Variants in GALNT17 observed in about 807,000 individuals in gnomAD.
GALNT17 encodes the protein polypeptide N-acetylgalactosaminyltransferase 17.
Under a neutral mutation model 63.7 loss-of-function variants are expected in GALNT17, and 29 were observed. That is an observed-to-expected ratio of 0.46 (90% CI 0.34 to 0.62). The LOEUF (loss-of-function observed/expected upper bound fraction) is 0.62. GALNT17 is among the 20% of genes least tolerant of loss of function. The pLI, the probability that GALNT17 is intolerant of heterozygous loss-of-function variation, is 0.01. For synonymous variants in GALNT17, 305 were observed against 318.3 expected (o/e 0.96, Z 0.45); for missense variants, 603 against 799.6 (o/e 0.75, Z 2.97).
At chr7:71,162,375 C>T (rs1788364931) in intron 1 of GALNT17, among the ~76,000 whole-genome samples, 1 of 151,996 alleles carries the variant, frequency 6.6e-6, no homozygotes, top group Non-Finnish European at 1.5e-5. Context: ...ATGCTATGGG[C>T]ATTTGATATT....
intron 2 of GALNT17, among the ~76,000 whole-genome samples, chr7:71,343,888 C>A (rs781072525): frequency 9.3e-5 from 14 of 151,334 alleles, no homozygotes; most frequent in Non-Finnish European, 2.1e-4. Flanking sequence ...GGCTTATTTT[C>A]TCTGTGGTGT....
intron 5 of GALNT17, among the ~76,000 whole-genome samples, chr7:71,551,626 G>A (rs1004505476): frequency 8.5e-5 from 13 of 152,068 alleles, no homozygotes; most frequent in Non-Finnish European, 1.9e-4. Context: ...AAATTAGCCA[G>A]GTGCATGGCA....
chr7:71,483,805 T>A (rs539185383), intron 5 of GALNT17, among the ~76,000 whole-genome samples: 11 of 152,336 alleles, frequency 7.2e-5, no homozygotes, highest in Non-Finnish European at 1.0e-4. Flanking sequence ...TTAAAACACA[T>A]TGTACAGCTG....
rs544367771 is a variant in GALNT17, at chr7:71,407,488, G to T, written c.590-8401G>T. ...ACGGTCCAGGCATGGTGGCTCATTC[G>T]TGTAATCCCAGCACTTTGGGAGGCT... On this transcript the variant is annotated intron_variant, in intron 3 of 10. Transcript: ENST00000333538. Among the ~76,000 whole-genome samples the T allele has an allele frequency of 2.6e-5, 4 of 152,108 alleles. No individual in the cohort carries two copies. The East Asian group carries it at 7.7e-4, about 29-fold the overall frequency.
At chr7:71,207,656 G>A (rs1789298477) in intron 1 of GALNT17, among the ~76,000 whole-genome samples, 1 of 152,062 alleles carries the variant, frequency 6.6e-6, no homozygotes, top group Non-Finnish European at 1.5e-5. Context: ...TTCCACCATG[G>A]GTAAGTGTCA....
intron 7 of GALNT17, among the ~76,000 whole-genome samples, chr7:71,667,947 G>A (rs917917930): frequency 6.6e-6 from 1 of 152,058 alleles, no homozygotes; most frequent in Non-Finnish European, 1.5e-5. Context: ...CCACAGGCTT[G>A]CGCCCTCTAC....
intron 6 of GALNT17, among the ~76,000 whole-genome samples, chr7:71,636,067 A>G (rs1040362749): frequency 2.0e-5 from 3 of 152,138 alleles, no homozygotes; most frequent in African/African-American, 7.2e-5. Flanking sequence ...CCCAGCCCCT[A>G]TTCAAGATGG....
chr7:71,208,449 C>CTTTT (rs11341410), intron 1 of GALNT17, among the ~76,000 whole-genome samples: 1 of 113,464 alleles, frequency 8.8e-6, no homozygotes, highest in Non-Finnish European at 1.7e-5. Flanking sequence ...TTAATAAATG[C>CTTTT]TTTTTTTTTT....
intron 1 of GALNT17, among the ~76,000 whole-genome samples, chr7:71,259,741 A>G (rs537252553): frequency 6.8e-6 from 1 of 148,138 alleles, no homozygotes; most frequent in East Asian, 2.1e-4. Context: ...TCCCGGGTTC[A>G]TGCCATTCTC....
intron 5 of GALNT17, among the ~76,000 whole-genome samples, chr7:71,441,045 A>T: frequency 6.8e-6 from 1 of 146,774 alleles, no homozygotes. Flanking sequence ...TTTTTTGGAG[A>T]TGGATTCTTG....
chr7:71,308,784 C>T (rs957480221), intron 1 of GALNT17, among the ~76,000 whole-genome samples: 1 of 149,986 alleles, frequency 6.7e-6, no homozygotes, highest in Non-Finnish European at 1.5e-5. Context: ...AGCTCTGTTG[C>T]CCAGGCTGGA....
chr7:71,518,460 T>C (rs375250530), intron 5 of GALNT17, among the ~76,000 whole-genome samples: 9 of 152,224 alleles, frequency 5.9e-5, no homozygotes, highest in African/African-American at 2.2e-4. Context: ...ATGCTTTGAC[T>C]GTGGTGTTTC....
chr7:71,227,827 G>A (rs1260309479), intron 1 of GALNT17, among the ~76,000 whole-genome samples: 1 of 152,180 alleles, frequency 6.6e-6, no homozygotes, highest in Non-Finnish European at 1.5e-5. Flanking sequence ...GGCTGAGCGA[G>A]TCTGAGAGAG....
intron 6 of GALNT17, among the ~76,000 whole-genome samples, chr7:71,579,953 A>G (rs907343627): frequency 6.6e-5 from 10 of 152,182 alleles, no homozygotes; most frequent in South Asian, 2.1e-4. Context: ...ATGGATGGAT[A>G]GATAGAGGGA....
At chr7:71,611,853 A>G (rs1790130313) in intron 6 of GALNT17, among the ~76,000 whole-genome samples, 1 of 152,006 alleles carries the variant, frequency 6.6e-6, no homozygotes, top group Admixed American at 6.6e-5. Context: ...AATGACCTCA[A>G]GCAGAGAGAG....
At chr7:71,353,790 T>A (rs1391111183) in intron 2 of GALNT17, among the ~76,000 whole-genome samples, 1 of 152,138 alleles carries the variant, frequency 6.6e-6, no homozygotes, top group Non-Finnish European at 1.5e-5. Flanking sequence ...GATTCCTGGG[T>A]TAAATGTGGT....
intron 5 of GALNT17, among the ~76,000 whole-genome samples, chr7:71,484,349 G>A (rs534405650): frequency 6.6e-6 from 1 of 152,202 alleles, no homozygotes; most frequent in East Asian, 1.9e-4. Context: ...TTAGCTGGGT[G>A]TGGTGGCATG....
chr7:71,699,767 C>CT (rs1261048148), intron 9 of GALNT17, among the ~76,000 whole-genome samples: 2 of 147,516 alleles, frequency 1.4e-5, no homozygotes, highest in East Asian at 3.9e-4. Flanking sequence ...GACCCTGTCT[C>CT]TATGATTTTT....
intron 5 of GALNT17, among the ~76,000 whole-genome samples, chr7:71,441,136 C>T (rs1377699716): frequency 6.6e-6 from 1 of 152,042 alleles, no homozygotes; most frequent in Non-Finnish European, 1.5e-5. Context: ...TGTTCTCCTG[C>T]CTCAGCCTCA....
Sources: gnomAD v4.1 joint callset for allele counts (sites outside exome capture counted in the v4.1 genomes callset) on GRCh38, gnomAD v4.1.1 for gene constraint, MANE v1.5 for transcripts, NCBI Gene and HGNC (gene_info 2026-07-23, HGNC 2026-07-21) for gene names.